Variants in NXPE2 observed in about 807,000 individuals in gnomAD.
NXPE2 encodes the protein neurexophilin and PC-esterase domain family member 2, also known as NXPE family member 2.
In NXPE2, 34 loss-of-function variants were observed where a neutral mutation model predicts 34.4. The ratio of observed to expected loss-of-function variants is 0.99; its 90% CI spans 0.75 to 1.31. The LOEUF is 1.31. Ranked by LOEUF, NXPE2 falls within the 40% of genes most tolerant of loss-of-function variation. The probability of loss-of-function intolerance (pLI) is 0.00; values close to 1 mark genes in which losing one functional copy is unlikely to be tolerated. For missense variants in NXPE2, 649 were observed against 672.5 expected, an observed-to-expected ratio of 0.97 and a Z score of 0.39; for synonymous variants, 235 against 231.3, an observed-to-expected ratio of 1.02 and a Z score of -0.15.
At chr11:114,637,360 T>G in the NXPE2 span, among the ~76,000 whole-genome samples, 122 of 152,132 alleles carry the variant, frequency 8.0e-4, 3 homozygotes, top group Admixed American at 5.8e-3. Context: ...TGTGTGTCTC[T>G]GCCTGTGAGA....
chr11:114,650,417 A>C, the NXPE2 span, among the ~76,000 whole-genome samples: 5 of 152,224 alleles, frequency 3.3e-5, no homozygotes, highest in Non-Finnish European at 7.3e-5. Context: ...AAAGACTCAG[A>C]GAAGACCAGG....
the NXPE2 span, among the ~76,000 whole-genome samples, chr11:114,573,885 C>T: frequency 3.9e-5 from 6 of 152,186 alleles, no homozygotes; most frequent in Admixed American, 2.0e-4. Context: ...ACAGAACATT[C>T]TACCCAAAAA....
the NXPE2 span, among the ~76,000 whole-genome samples, chr11:114,725,892 A>G: frequency 6.6e-6 from 1 of 150,710 alleles, no homozygotes; most frequent in African/African-American, 2.4e-5. Flanking sequence ...TCTCCTAGAG[A>G]GTGGCTATCT....
At chr11:114,642,590 G>A in the NXPE2 span, among the ~76,000 whole-genome samples, 24,945 of 152,000 alleles carry the variant, frequency 0.16, 2,667 homozygotes, top group Non-Finnish European at 0.22. Flanking sequence ...CAAAGGACAC[G>A]AACTCATCCT....
the NXPE2 span, among the ~76,000 whole-genome samples, chr11:114,744,749 G>T: frequency 6.6e-6 from 1 of 152,118 alleles, no homozygotes; most frequent in African/African-American, 2.4e-5. Flanking sequence ...GGTTGAGGCT[G>T]CAGTGTTTGC....
At chr11:114,761,716 G>A in the NXPE2 span, among the ~76,000 whole-genome samples, 1 of 151,588 alleles carries the variant, frequency 6.6e-6, no homozygotes, top group South Asian at 2.1e-4. Context: ...TGGGACTACA[G>A]GCGCCCGCCA....
the NXPE2 span, among the ~76,000 whole-genome samples, chr11:114,714,888 G>A: frequency 1.3e-5 from 2 of 152,284 alleles, no homozygotes; most frequent in African/African-American, 4.8e-5. Context: ...CGGGCGTGGT[G>A]GCACACGCCT....
At chr11:114,771,813 T>C in the NXPE2 span, among the ~76,000 whole-genome samples, 1 of 152,260 alleles carries the variant, frequency 6.6e-6, no homozygotes, top group Admixed American at 6.5e-5. Flanking sequence ...TATAACAACA[T>C]AATCCTCTTC....
chr11:114,688,992 A>T (rs1244342468), intron 2 of NXPE2, among the ~76,000 whole-genome samples: 1 of 151,948 alleles, frequency 6.6e-6, no homozygotes, highest in Non-Finnish European at 1.5e-5. Flanking sequence ...CTCCTTTGTG[A>T]ATCTAGCTAG....
the NXPE2 span, chr11:114,583,742 C>A: frequency 2.0e-6 from 1 of 512,514 alleles, no homozygotes. Context: ...CTTGGAACTG[C>A]TAAAGTATCA....
the NXPE2 span, among the ~76,000 whole-genome samples, chr11:114,638,351 A>G: frequency 0.17 from 25,734 of 151,600 alleles, 2,443 homozygotes; most frequent in African/African-American, 0.24. Flanking sequence ...TGGTTATTCT[A>G]GTTATCCATT....
At chr11:114,586,876 A>G in the NXPE2 span, among the ~76,000 whole-genome samples, 1 of 152,166 alleles carries the variant, frequency 6.6e-6, no homozygotes, top group African/African-American at 2.4e-5. Context: ...TAGGCAAGAT[A>G]AGGAAATGCC....
chr11:114,784,980 TAAAAA>T, the NXPE2 span, among the ~76,000 whole-genome samples: 3 of 150,842 alleles, frequency 2.0e-5, no homozygotes, highest in East Asian at 5.9e-4. Flanking sequence ...AACCAGAAAA[TAAAAA>T]AGGAAGCAAA....
the NXPE2 span, among the ~76,000 whole-genome samples, chr11:114,606,599 A>C: frequency 6.6e-6 from 1 of 151,962 alleles, no homozygotes; most frequent in Non-Finnish European, 1.5e-5. Context: ...CCTTGTGGGT[A>C]ACCACTGTTA....
chr11:114,707,316 G>A (rs920490925), downstream of NXPE2: 14 of 300,620 alleles, frequency 4.7e-5, no homozygotes, highest in East Asian at 1.5e-3. Context: ...GGCTGGTCTC[G>A]AACTCCTGAC....
the NXPE2 span, among the ~76,000 whole-genome samples, chr11:114,782,908 C>A: frequency 6.6e-6 from 1 of 152,196 alleles, no homozygotes; most frequent in Non-Finnish European, 1.5e-5. Context: ...GCATTCTTAA[C>A]CTTTAAAAAG....
In NXPE2 at chr11:114,688,747, A is replaced by G. The variant is rs80113906; in HGVS notation, c.132+8985A>G. 6.0e-3 allele frequency among the ~76,000 whole-genome samples: 911 copies of G among 151,980 alleles called. 5 individuals carry two copies. The highest frequency in any genetic ancestry group is 0.02 in the African/African-American group (826 of 41,550). Reference sequence around the variant, plus strand: ...TTTCTGCATGATAGGTTTTTAAACAATTATTATTATGATTCAATGTCTTTA... The same window carrying G: ...TTTCTGCATGATAGGTTTTTAAACAGTTATTATTATGATTCAATGTCTTTA... On this transcript the variant is annotated intron_variant, in intron 2 of 5. Transcript: ENST00000389586.
chr11:114,606,393 C>A, the NXPE2 span, among the ~76,000 whole-genome samples: 2 of 151,770 alleles, frequency 1.3e-5, no homozygotes, highest in Non-Finnish European at 2.9e-5. Context: ...TCATGGGTAA[C>A]CACTGTTACC....
At chr11:114,813,532 TTCATTTATGTGCATGC>T in the NXPE2 span, among the ~76,000 whole-genome samples, 7 of 152,238 alleles carry the variant, frequency 4.6e-5, no homozygotes, top group Non-Finnish European at 1.0e-4. Context: ...TCTGTGCATG[TTCATTTATGTGCATGC>T]ATGCATGTGG....
Sources: allele counts gnomAD v4.1 joint callset (sites outside exome capture counted in the v4.1 genomes callset), GRCh38; gene constraint gnomAD v4.1.1; transcripts MANE v1.5; gene names NCBI Gene and HGNC (gene_info 2026-07-23, HGNC 2026-07-21).